The following KIAA1328 variants were observed in gnomAD, a reference collection of about 807,000 sequenced individuals.
The protein encoded by KIAA1328 is protein hinderin.
Under a neutral mutation model 68.1 loss-of-function variants are expected in KIAA1328, and 52 were observed. That is an observed-to-expected ratio of 0.76 (90% confidence interval 0.61 to 0.96). The LOEUF is 0.96. Among genes scored for constraint, KIAA1328 ranks in the 40% least tolerant of loss-of-function variants. KIAA1328 has a pLI of 0.00. For synonymous variants in KIAA1328, 232 were observed against 239.4 expected, an observed-to-expected ratio of 0.97 and a Z score of 0.28; for missense variants, 641 against 677.6, an observed-to-expected ratio of 0.95 and a Z score of 0.60.
intron 6 of KIAA1328, among the ~76,000 whole-genome samples, chr18:36,992,363 C>A (rs1322350095): frequency 1.3e-5 from 2 of 151,084 alleles, no homozygotes; most frequent in Admixed American, 6.6e-5. Flanking sequence ...GTTTATAGTT[C>A]TATCTTTTAC....
chr18:36,844,152 A>G, intron 3 of KIAA1328, 56 bp from the exon 4 acceptor site: 1 of 1,219,988 alleles, frequency 8.2e-7, no homozygotes. Context: ...AGGTTTCTTG[A>G]AAAGACTTTA....
chr18:37,090,508 A>G (rs907563901), intron 7 of KIAA1328, among the ~76,000 whole-genome samples: 1 of 152,176 alleles, frequency 6.6e-6, no homozygotes, highest in Admixed American at 6.5e-5. Context: ...TGGAGACAAC[A>G]TCATTTCCAT....
At chr18:36,945,923 A>G (rs905374288) in intron 5 of KIAA1328, among the ~76,000 whole-genome samples, 1 of 152,194 alleles carries the variant, frequency 6.6e-6, no homozygotes, top group African/African-American at 2.4e-5. Context: ...TGAGGCCAGA[A>G]GTGTTTCAGA....
intron 7 of KIAA1328, among the ~76,000 whole-genome samples, chr18:37,114,036 T>A (rs1420854170): frequency 3.9e-5 from 6 of 152,126 alleles, no homozygotes; most frequent in African/African-American, 1.4e-4. Context: ...ACAAAGAGAC[T>A]TAGACTCCCA....
intron 6 of KIAA1328, among the ~76,000 whole-genome samples, chr18:36,977,635 T>C (rs889205736): frequency 6.6e-6 from 1 of 152,108 alleles, no homozygotes; most frequent in Non-Finnish European, 1.5e-5. Context: ...CGTCATTTTT[T>C]TGTTTTTAAA....
chr18:37,082,202 C>CA (rs1216919205), intron 7 of KIAA1328, among the ~76,000 whole-genome samples: 1 of 127,752 alleles, frequency 7.8e-6, no homozygotes, highest in Non-Finnish European at 1.6e-5. Context: ...TACAGCATCT[C>CA]ACTCTGTCAC....
intron 6 of KIAA1328, among the ~76,000 whole-genome samples, chr18:36,999,670 C>T (rs548956913): frequency 1.9e-4 from 29 of 152,182 alleles, no homozygotes; most frequent in African/African-American, 6.5e-4. Flanking sequence ...ACTGCTGTAT[C>T]CAGCAAAATT....
chr18:37,042,048 TTTTGTTTG>T (rs755739008), intron 6 of KIAA1328, among the ~76,000 whole-genome samples: 3 of 151,834 alleles, frequency 2.0e-5, no homozygotes, highest in Non-Finnish European at 4.4e-5. Flanking sequence ...ACCTACCTAA[TTTTGTTTG>T]TTTGTTTGTT....
At chr18:37,205,133 A>G (rs1333221135) in intron 9 of KIAA1328, among the ~76,000 whole-genome samples, 1 of 152,234 alleles carries the variant, frequency 6.6e-6, no homozygotes, top group Middle Eastern at 3.2e-3. Flanking sequence ...GACAGCTGAA[A>G]GAAAGCAAAG....
At chr18:37,097,820 TA>T (rs2057459927) in intron 7 of KIAA1328, among the ~76,000 whole-genome samples, 1 of 152,198 alleles carries the variant, frequency 6.6e-6, no homozygotes, top group Non-Finnish European at 1.5e-5. Context: ...CTAGGTATTT[TA>T]TTCTCTTTGA....
intron 8 of KIAA1328, among the ~76,000 whole-genome samples, chr18:37,172,558 T>C (rs974654165): frequency 2.0e-5 from 3 of 152,186 alleles, no homozygotes; most frequent in African/African-American, 4.8e-5. Context: ...TCAAGACTTA[T>C]ATATATCTTG....
At chr18:36,916,520 T>C (rs1488006657) in intron 5 of KIAA1328, among the ~76,000 whole-genome samples, 2 of 152,182 alleles carry the variant, frequency 1.3e-5, no homozygotes, top group Non-Finnish European at 2.9e-5. Context: ...TTAATCTCTT[T>C]TAGATAACTC....
At chr18:36,912,361 C>A (rs78378413) in intron 5 of KIAA1328, among the ~76,000 whole-genome samples, 1 of 152,134 alleles carries the variant, frequency 6.6e-6, no homozygotes, top group Non-Finnish European at 1.5e-5. Flanking sequence ...TCCTTGGCTC[C>A]TGGCTCTGTA....
At chr18:36,992,211 C>A (rs1213495742) in intron 6 of KIAA1328, among the ~76,000 whole-genome samples, 5 of 152,082 alleles carry the variant, frequency 3.3e-5, no homozygotes, top group African/African-American at 4.8e-5. Flanking sequence ...TTTATAGTTT[C>A]TTTGCTGTCT....
At chr18:37,033,588 T>C (rs2054915522) in intron 6 of KIAA1328, among the ~76,000 whole-genome samples, 1 of 152,206 alleles carries the variant, frequency 6.6e-6, no homozygotes, top group Admixed American at 6.5e-5. Context: ...TTCTGGGAAG[T>C]GTTTCATTTA....
At chr18:37,119,415 CAGTT>C (rs1364603100) in intron 7 of KIAA1328, among the ~76,000 whole-genome samples, 18 of 152,100 alleles carry the variant, frequency 1.2e-4, no homozygotes, top group Non-Finnish European at 2.9e-5. Context: ...TATTTTCTCA[CAGTT>C]AGGCAGGTTG....
chr18:36,922,442 T>C (rs1002123302), intron 5 of KIAA1328, among the ~76,000 whole-genome samples: 3 of 152,214 alleles, frequency 2.0e-5, no homozygotes, highest in African/African-American at 4.8e-5. Context: ...ATAGATTTTA[T>C]ATTTGGGTAT....
At chr18:37,082,166 A>ATTTTTTTTTTTTTTTTTTTTT (rs34106395) in intron 7 of KIAA1328, among the ~76,000 whole-genome samples, 1 of 100,424 alleles carries the variant, frequency 1.0e-5, no homozygotes. Context: ...TGCCCCAAGG[A>ATTTTTTTTTTTTTTTTTTTTT]TTTTTTTTTT....
In KIAA1328 at chr18:37,222,150, CG is replaced by C. The variant is rs1260467144; in HGVS notation, c.1659del (p.Lys554ArgfsTer41). 1 of 1,609,054 alleles carries C rather than the reference CG, an allele frequency of 6.2e-7. No individual in the cohort carries two copies. The highest frequency in any genetic ancestry group is 1.3e-5 in the African/African-American group (1 of 74,796). On this transcript the variant is annotated frameshift_variant, in exon 10 of 10. Transcript: ENST00000280020. LOFTEE classifies it high-confidence loss of function. ...CCGACTCAGTCCTCTAAAATCAACC[CG>C]GAAGAAGATGGGGATGCACAGAACC... Reference protein sequence around the residue: ...TFRLSPLKSTRKKMGMHRTPE... With the variant: ...TFRLSPLKSTXKKMGMHRTPE...
Sources: allele counts gnomAD v4.1 joint callset (sites outside exome capture counted in the v4.1 genomes callset), GRCh38; gene constraint gnomAD v4.1.1; transcripts MANE v1.5; gene names NCBI Gene and HGNC (gene_info 2026-07-23, HGNC 2026-07-21).